Variants in NID2 observed in about 807,000 individuals in gnomAD.
NID2 encodes the protein nidogen 2, also known as nidogen-2.
Under a neutral mutation model 145.4 loss-of-function variants are expected in NID2, and 83 were observed. The observed-to-expected ratio is 0.57, with a 90% CI of 0.48 to 0.69. The LOEUF is 0.69. Ranked by LOEUF, NID2 falls within the 30% of genes least tolerant of loss-of-function variation. The probability of loss-of-function intolerance (pLI) is 0.00; values close to 1 mark genes in which losing one functional copy is unlikely to be tolerated. For missense variants in NID2, 1,807 were observed against 1,765.7 expected (o/e 1.02, Z -0.42); for synonymous variants, 739 against 701.3 (o/e 1.05, Z -0.85).
At chr14:52,044,266 CTTTTTTTTTTTTT>C (rs55972168) in intron 5 of NID2, among the ~76,000 whole-genome samples, 1 of 113,918 alleles carries the variant, frequency 8.8e-6, no homozygotes. Flanking sequence ...ATTTAACAAC[CTTTTTTTTTTTTT>C]TTTTTTTTGA....
chr14:52,012,989 A>G (rs964045827), intron 16 of NID2, among the ~76,000 whole-genome samples: 3 of 152,206 alleles, frequency 2.0e-5, no homozygotes, highest in Non-Finnish European at 4.4e-5. Flanking sequence ...GTGGAAAAAC[A>G]GGCAGCTTAT....
intron 9 of NID2, among the ~76,000 whole-genome samples, chr14:52,031,607 CCT>C (rs1891874384): frequency 6.6e-6 from 1 of 152,182 alleles, no homozygotes; most frequent in Admixed American, 6.5e-5. Context: ...AGCTTAGCAT[CCT>C]CTGAGTCCCA....
intron 13 of NID2, among the ~76,000 whole-genome samples, chr14:52,019,733 C>T (rs547072346): frequency 6.6e-5 from 10 of 152,296 alleles, no homozygotes; most frequent in African/African-American, 2.4e-4. Flanking sequence ...TGGCTACCGG[C>T]GCATAAGGCT....
At chr14:52,028,044 A>G (rs1595020126) in intron 11 of NID2, among the ~76,000 whole-genome samples, 1 of 152,328 alleles carries the variant, frequency 6.6e-6, no homozygotes, top group South Asian at 2.1e-4. Context: ...TAGGACATGC[A>G]TCAGTGAATT....
chr14:52,059,311 G>A (rs756080596), intron 3 of NID2, among the ~76,000 whole-genome samples: 9 of 152,172 alleles, frequency 5.9e-5, no homozygotes, highest in Non-Finnish European at 1.0e-4. Flanking sequence ...AGTGTAAGGT[G>A]TTTCTATACC....
In NID2 at chr14:52,042,179, G is replaced by A. The variant is rs1216575213; in HGVS notation, c.1751C>T (p.Thr584Ile). Reference protein sequence around the residue: ...QPAAQALLPLTPIGGLFGWLF... With the variant: ...QPAAQALLPLIPIGGLFGWLF... ...CCAGCCAAACAGGCCTCCAATTGGT[G>A]TGAGGGGGAGGAGGGCCTGGGCTGC... Residue 584 changes from threonine to isoleucine, a missense_variant, in exon 7 of 22, where the codon ACA (threonine) becomes ATA (isoleucine). Physicochemically the swap from Thr to Ile is moderately conservative, Grantham distance 89 (BLOSUM62 -1). Coordinates refer to ENST00000216286, the MANE Select transcript of NID2 (RefSeq NM_007361.4). 2 of 1,614,190 alleles carry A rather than the reference G, an allele frequency of 1.2e-6. No individual in the cohort carries two copies. Among genetic ancestry groups the A allele is most frequent in the Admixed American group, 3.3e-5 (2 of 60,030 alleles).
rs368272264 is a variant in NID2, at chr14:52,011,568, G to C, written c.3536C>G (p.Thr1179Arg). 166 of 1,614,156 alleles carry C rather than the reference G, an allele frequency of 1.0e-4. 4 individuals carry two copies. The South Asian group carries it at 1.4e-3, about 13-fold the overall frequency. ...AGLELGAEPE[T>R]IVNSGLISPE... ...AAGCTGCTGACCTGAATTCACGATCGTCTCAGGCTCTGCTCCCAGTTCCAG... is the reference window on the plus strand; with the variant it reads ...AAGCTGCTGACCTGAATTCACGATCCTCTCAGGCTCTGCTCCCAGTTCCAG... The change falls in exon 17 of 22, where the codon ACG becomes AGG. Residue 1179 changes from threonine to arginine, a missense_variant. Coordinates refer to ENST00000216286, the MANE Select transcript of NID2 (RefSeq NM_007361.4).
chr14:52,011,904 C>T (rs1402028656), intron 16 of NID2: 1 of 512,042 alleles, frequency 2.0e-6, no homozygotes, highest in Non-Finnish European at 3.5e-6. Context: ...GCGTTTGTCT[C>T]ATTTGCAAAA....
At position 52,014,108 on chromosome 14, in the gene NID2, C is replaced by G. The variant is rs1595004494; in HGVS notation, c.3420+179G>C. 6.7e-6 allele frequency: 5 copies of G among 741,072 alleles called. No individual in the cohort carries two copies. In the East Asian group the frequency reaches 1.1e-4, roughly 16 times the overall value. The allele number at this position is 741,072 out of a possible 1,614,324, so 45.9% of individuals were successfully genotyped here. On this transcript the variant is annotated intron_variant, in intron 16 of 21. Coordinates refer to ENST00000216286, the MANE Select transcript of NID2 (RefSeq NM_007361.4). ...AGCCTTGGTCAGTGACAGGTGACTC[C>G]CAGCAAGAGAGAGCCCTGGTCCTAT... is the stretch of plus-strand genomic sequence containing the variant.
intron 15 of NID2, among the ~76,000 whole-genome samples, 176 bp downstream of exon 15, chr14:52,014,878 C>G (rs1473867434): frequency 6.6e-6 from 1 of 152,102 alleles, no homozygotes; most frequent in Non-Finnish European, 1.5e-5. Context: ...AAAAACCAGA[C>G]ACCAAACGCA....
chr14:52,052,913 T>C (rs1313511109), intron 5 of NID2, among the ~76,000 whole-genome samples: 1 of 152,150 alleles, frequency 6.6e-6, no homozygotes. Flanking sequence ...ATGTCCATGA[T>C]AATTAACCAC....
rs754974167 is a variant in NID2 at position 52,005,731 on chromosome 14, T to TTTTA, written c.4117+2_4117+5dup. ...TTAAAGGAGCATCCTAAAGCATACTTTTTACCTGTTGGGCAGTAGGGGTAG... is the reference window on the plus strand; with the variant it reads ...TTAAAGGAGCATCCTAAAGCATACTTTTTATTTACCTGTTGGGCAGTAGGGGTAG... On this transcript the variant is annotated splice_donor_region_variant and intron_variant, in intron 21 of 21. Coordinates refer to ENST00000216286, the MANE Select transcript of NID2 (RefSeq NM_007361.4). The TTTTA allele has an allele frequency of 3.4e-5, 55 of 1,606,500 alleles. No individual in the cohort carries two copies. In the Admixed American group the frequency reaches 3.8e-4, roughly 11 times the overall value.
At chr14:52,049,525 G>C (rs1476622324) in intron 5 of NID2, among the ~76,000 whole-genome samples, 2 of 151,948 alleles carry the variant, frequency 1.3e-5, no homozygotes, top group Non-Finnish European at 2.9e-5. Flanking sequence ...TCGTGCACAG[G>C]GCTGCTTCAG....
intron 1 of NID2, among the ~76,000 whole-genome samples, 193 bp downstream of exon 1, chr14:52,068,574 C>T (rs1595062572): frequency 6.6e-6 from 1 of 152,228 alleles, no homozygotes; most frequent in Non-Finnish European, 1.5e-5. Flanking sequence ...CTTGCTCTCC[C>T]CTCCAGGTCA....
intron 1 of NID2, 120 bp from the exon 2 acceptor site, chr14:52,068,283 C>T: frequency 1.0e-6 from 1 of 962,720 alleles, no homozygotes. Context: ...CCCCACTGGC[C>T]AGGGAGTCTG....
intron 5 of NID2, among the ~76,000 whole-genome samples, chr14:52,045,950 C>A (rs1175372465): frequency 6.6e-6 from 1 of 152,158 alleles, no homozygotes; most frequent in Non-Finnish European, 1.5e-5. Flanking sequence ...TCTTCCTCAC[C>A]CCTGCATTGC....
At chr14:52,028,553 C>T (rs781204976) in intron 11 of NID2, 169 bp downstream of exon 11, 31 of 678,492 alleles carry the variant, frequency 4.6e-5, no homozygotes, top group Non-Finnish European at 5.5e-5. Flanking sequence ...TGATTACAGG[C>T]GTGAGCCACC....
Position 52,006,821 on chromosome 14 carries a change from C to T in NID2, c.3881-161G>A, listed in dbSNP as rs1890803617. 2.1e-5 allele frequency: 13 copies of T among 626,440 alleles called. No homozygotes were observed. The East Asian group carries it at 3.8e-4, about 18-fold the overall frequency. The allele number at this position is 626,440 out of a possible 1,614,324, so 38.8% of individuals were successfully genotyped here. A position where few individuals can be genotyped will look rare whatever the true frequency, so the allele number is the denominator to read the frequency against. The stretch of plus-strand genomic sequence containing the variant: ...TAAAATTACCTGTCCTATTACTAGT[C>T]TCCAGTTTTTAGTAGAGATTCAAAC... On this transcript the variant is annotated intron_variant, in intron 19 of 21. Coordinates refer to ENST00000216286, the MANE Select transcript of NID2 (RefSeq NM_007361.4).
chr14:52,006,141 AGTAT>A (rs1368461100), intron 20 of NID2: 1 of 428,640 alleles, frequency 2.3e-6, no homozygotes, highest in Non-Finnish European at 4.3e-6. Context: ...TAGTCTAAAT[AGTAT>A]TTTTCGGTCC....
Sources: allele counts gnomAD v4.1 joint callset (sites outside exome capture counted in the v4.1 genomes callset), GRCh38; gene constraint gnomAD v4.1.1; transcripts MANE v1.5; gene names NCBI Gene and HGNC (gene_info 2026-07-23, HGNC 2026-07-21).